TAAR5: variants seen among roughly 807,000 people sequenced by gnomAD.
TAAR5 encodes the protein trace amine-associated receptor 5.
Under a neutral mutation model 21.1 loss-of-function variants are expected in TAAR5, and 27 were observed. The ratio of observed to expected loss-of-function variants is 1.28; its 90% CI spans 0.94 to 1.76. The LOEUF (loss-of-function observed/expected upper bound fraction) is 1.76. Ranked by LOEUF, TAAR5 falls within the 40% of genes most tolerant of loss-of-function variation. The pLI is 0.00. For synonymous variants in TAAR5, 203 were observed against 167.5 expected (o/e 1.21, Z -1.64); for missense variants, 495 against 405.6 (o/e 1.22, Z -1.89).
chr6:132,590,140 C>T (rs1307394164), upstream of TAAR5, among the ~76,000 whole-genome samples: 1 of 152,118 alleles, frequency 6.6e-6, no homozygotes, highest in Non-Finnish European at 1.5e-5. Context: ...AACCAAGTGA[C>T]CAATTAATTC....
the TAAR5 span, among the ~76,000 whole-genome samples, chr6:132,615,969 A>T: frequency 6.6e-6 from 1 of 152,032 alleles, no homozygotes; most frequent in South Asian, 2.1e-4. Flanking sequence ...GGTGCAAGTG[A>T]TATATTTTGA....
chr6:132,615,850 G>A, the TAAR5 span, among the ~76,000 whole-genome samples: 2 of 148,138 alleles, frequency 1.4e-5, no homozygotes, highest in African/African-American at 5.0e-5. Context: ...GAATATTTCA[G>A]TGAAACACAG....
the TAAR5 span, among the ~76,000 whole-genome samples, chr6:132,604,146 C>CTTTTTTTTTTTTTTTT: frequency 7.9e-6 from 1 of 126,006 alleles, no homozygotes; most frequent in South Asian, 2.5e-4. Context: ...TTTTTCTTTT[C>CTTTTTTTTTTTTTTTT]TTTTTTTTTT....
the TAAR5 span, among the ~76,000 whole-genome samples, chr6:132,605,197 C>T: frequency 1.3e-5 from 2 of 152,186 alleles, no homozygotes; most frequent in Non-Finnish European, 2.9e-5. Flanking sequence ...TGTAAAAGGA[C>T]CTAGCATAGA....
upstream of TAAR5, among the ~76,000 whole-genome samples, chr6:132,592,643 G>A (rs111547755): frequency 0.023 from 3,469 of 152,224 alleles, 126 homozygotes; most frequent in African/African-American, 0.079. Context: ...ATGAGATCTA[G>A]TTGTTTACAA....
At chr6:132,607,021 C>A in the TAAR5 span, among the ~76,000 whole-genome samples, 1 of 152,046 alleles carries the variant, frequency 6.6e-6, no homozygotes, top group Non-Finnish European at 1.5e-5. Context: ...CATGACGAAA[C>A]CCTGTCTCTA....
Position 132,588,963 on chromosome 6 carries a change from C to T in TAAR5, c.724G>A (p.Gly242Arg). 6.2e-7 allele frequency: 1 copy of T among 1,614,094 alleles called. No individual in the cohort carries two copies. The highest frequency in any genetic ancestry group is 8.5e-7 in the Non-Finnish European group (1 of 1,180,000). ...QITTLSKSLA[G>R]AAKHERKAAK... ...GCTTTTCTCTCATGCTTGGCAGCCC[C>T]AGCCAGGCTTTTGCTCAATGTGGTA... Residue 242 changes from glycine to arginine, a missense_variant, in exon 1 of 1, where the codon GGG (glycine) becomes AGG (arginine). Gly to Arg is a moderately radical substitution (Grantham distance 125). Coordinates refer to ENST00000258034, the MANE Select transcript of TAAR5 (RefSeq NM_003967.3).
At chr6:132,594,308 T>C (rs898260263), upstream of TAAR5, 2 of 152,090 alleles carry the variant, frequency 1.3e-5, no homozygotes, top group Non-Finnish European at 1.5e-5. Context: ...CCTTATCTGG[T>C]CAATTCATGC....
Position 132,588,694 on chromosome 6 carries a change from A to T in TAAR5, c.993T>A (p.Thr331=). 1 of 1,613,034 alleles carries T rather than the reference A, an allele frequency of 6.2e-7. No individual in the cohort carries two copies. Among genetic ancestry groups the T allele is most frequent in the Non-Finnish European group, 8.5e-7 (1 of 1,179,408 alleles). Residue 331 remains threonine (T), a synonymous_variant, in exon 1 of 1, where the codon ACT becomes ACA. Coordinates refer to ENST00000258034, the MANE Select transcript of TAAR5 (RefSeq NM_003967.3). The part of the protein sequence containing the change: ...SQKVFSPQTR[T]VDLYQE ...GGAATCATTCTTGGTACAAATCAAC[A>T]GTGCGTGTCTGCGGTGAGAAGACCT...
the TAAR5 span, among the ~76,000 whole-genome samples, chr6:132,596,902 C>T: frequency 6.6e-5 from 10 of 152,200 alleles, no homozygotes; most frequent in East Asian, 5.8e-4. Context: ...TTAGCCTGCT[C>T]TTTATCTCCC....
chr6:132,602,249 C>T, the TAAR5 span, among the ~76,000 whole-genome samples: 1 of 152,062 alleles, frequency 6.6e-6, no homozygotes, highest in South Asian at 2.1e-4. Flanking sequence ...ATTTATTGTG[C>T]ACTTTATTTC....
chr6:132,600,727 G>A, the TAAR5 span, among the ~76,000 whole-genome samples: 1 of 145,762 alleles, frequency 6.9e-6, no homozygotes, highest in African/African-American at 2.6e-5. Flanking sequence ...AAGATAAAAG[G>A]ACAAAGTAAA....
At position 132,588,603 on chromosome 6, in the gene TAAR5, A is replaced by G; in HGVS notation, c.*70T>C. On this transcript the variant is annotated 3_prime_UTR_variant, in exon 1 of 1. Transcript: ENST00000258034. Reference sequence around the variant, plus strand: ...CATGCCCACAAACTCAACACCACACAGCCCACGGTCACAGTGCCACTTATC... The same window carrying G: ...CATGCCCACAAACTCAACACCACACGGCCCACGGTCACAGTGCCACTTATC... The G allele has an allele frequency of 1.3e-6, 2 of 1,523,582 alleles. No homozygotes were observed. Among genetic ancestry groups the G allele is most frequent in the Non-Finnish European group, 8.9e-7 (1 of 1,124,714 alleles). The allele number at this position is 1,523,582 out of a possible 1,614,324, so 94.4% of individuals were successfully genotyped here.
the TAAR5 span, among the ~76,000 whole-genome samples, chr6:132,610,846 G>C: frequency 1.3e-5 from 2 of 152,114 alleles, no homozygotes; most frequent in Admixed American, 6.6e-5. Context: ...CTTGGTGATG[G>C]GAGGTGTGCA....
the TAAR5 span, among the ~76,000 whole-genome samples, chr6:132,600,477 C>T: frequency 2.6e-5 from 4 of 152,230 alleles, no homozygotes; most frequent in Admixed American, 6.5e-5. Context: ...ACTCCCCAAT[C>T]GGCCATGAGG....
chr6:132,604,906 C>T, the TAAR5 span, among the ~76,000 whole-genome samples: 8 of 152,114 alleles, frequency 5.3e-5, no homozygotes, highest in Non-Finnish European at 7.4e-5. Flanking sequence ...CTAGACCGAA[C>T]GTGTCAGGGG....
In TAAR5 at chr6:132,588,746, T is replaced by G. The variant is rs763130663; in HGVS notation, c.941A>C (p.Lys314Thr). Residue 314 changes from lysine to threonine, a missense_variant, in exon 1 of 1, where the codon AAG (lysine) becomes ACG (threonine). Physicochemically the swap from Lys to Thr is moderately conservative, Grantham distance 78. Coordinates refer to ENST00000258034, the MANE Select transcript of TAAR5 (RefSeq NM_003967.3). ...IYVFSYQWFR[K>T]ALKLTLSQKV... is the part of the protein sequence containing the mutation. ...CTGGCTCAGTGTGAGTTTCAGTGCCTTCCGAAACCACTGGTAGGAAAAGAC... is the reference window on the plus strand; with the variant it reads ...CTGGCTCAGTGTGAGTTTCAGTGCCGTCCGAAACCACTGGTAGGAAAAGAC... 6.2e-7 allele frequency: 1 copy of G among 1,614,044 alleles called. No individual in the cohort carries two copies. Among genetic ancestry groups the G allele is most frequent in the East Asian group, 2.2e-5 (1 of 44,856 alleles).
At chr6:132,600,748 A>G in the TAAR5 span, among the ~76,000 whole-genome samples, 1 of 150,798 alleles carries the variant, frequency 6.6e-6, no homozygotes, top group African/African-American at 2.4e-5. Context: ...CAAAAAGAAA[A>G]AGAAAGAAAA....
At chr6:132,613,477 T>C in the TAAR5 span, among the ~76,000 whole-genome samples, 1 of 152,194 alleles carries the variant, frequency 6.6e-6, no homozygotes, top group African/African-American at 2.4e-5. Context: ...ATAGCCTCTA[T>C]GGAATTCTCA....
Sources: allele counts gnomAD v4.1 joint callset (sites outside exome capture counted in the v4.1 genomes callset), GRCh38; gene constraint gnomAD v4.1.1; transcripts MANE v1.5; gene names NCBI Gene and HGNC (gene_info 2026-07-23, HGNC 2026-07-21).